The following UNC13C variants were observed in gnomAD, a reference collection of about 807,000 sequenced individuals.
UNC13C encodes the protein unc-13 homolog C.
Under a neutral mutation model 245.4 loss-of-function variants are expected in UNC13C, and 174 were observed. The ratio of observed to expected loss-of-function variants is 0.71; its 90% CI spans 0.63 to 0.80. The LOEUF is 0.80. UNC13C is among the 30% of genes least tolerant of loss of function. UNC13C has a pLI of 0.00. For synonymous variants in UNC13C, 992 were observed against 895.1 expected (o/e 1.11, Z -1.93); for missense variants, 2,829 against 2,602.9 (o/e 1.09, Z -1.89).
intron 28 of UNC13C, among the ~76,000 whole-genome samples, chr15:54,553,988 A>T (rs531339713): frequency 6.6e-6 from 1 of 152,154 alleles, no homozygotes; most frequent in East Asian, 1.9e-4. Flanking sequence ...AAATGAACTC[A>T]TATGATTAAC....
chr15:54,496,324 G>C (rs1426209692), intron 20 of UNC13C, among the ~76,000 whole-genome samples: 1 of 151,994 alleles, frequency 6.6e-6, no homozygotes, highest in African/African-American at 2.4e-5. Flanking sequence ...GAGAAATTTT[G>C]AAGATAGAAT....
At chr15:54,541,059 A>G (rs1333415700) in intron 26 of UNC13C, among the ~76,000 whole-genome samples, 3 of 152,074 alleles carry the variant, frequency 2.0e-5, no homozygotes, top group South Asian at 2.1e-4. Context: ...CCTGAAAAAC[A>G]GTTTTCAAAT....
chr15:54,615,669 G>C (rs747885487), intron 30 of UNC13C, among the ~76,000 whole-genome samples: 2 of 152,152 alleles, frequency 1.3e-5, no homozygotes, highest in East Asian at 1.9e-4. Flanking sequence ...ATCTGAAACA[G>C]TTATCAGGCA....
chr15:54,413,486 C>T (rs1280225318), intron 18 of UNC13C, among the ~76,000 whole-genome samples: 3 of 151,856 alleles, frequency 2.0e-5, no homozygotes, highest in Non-Finnish European at 4.4e-5. Context: ...AAATTGTTTG[C>T]CTAGGGTTAT....
At chr15:53,920,124 C>T in the UNC13C span, among the ~76,000 whole-genome samples, 1 of 152,116 alleles carries the variant, frequency 6.6e-6, no homozygotes. Context: ...GTATAGATAA[C>T]ACTCTATTGA....
At chr15:54,339,106 G>C (rs2038665230) in intron 17 of UNC13C, among the ~76,000 whole-genome samples, 2 of 152,160 alleles carry the variant, frequency 1.3e-5, no homozygotes, top group South Asian at 2.1e-4. Context: ...GACCTCAGGT[G>C]ATCCGCCCGC....
chr15:54,565,869 C>T (rs550066243), intron 29 of UNC13C, among the ~76,000 whole-genome samples: 1 of 151,948 alleles, frequency 6.6e-6, no homozygotes, highest in Non-Finnish European at 1.5e-5. Context: ...ATCCACTAAT[C>T]TTTTCTGCTC....
intron 2 of UNC13C, among the ~76,000 whole-genome samples, chr15:54,138,248 GA>G (rs1401148627): frequency 6.6e-6 from 1 of 151,998 alleles, no homozygotes; most frequent in Non-Finnish European, 1.5e-5. Context: ...CACTCTAGAG[GA>G]ATATATATTC....
intron 17 of UNC13C, among the ~76,000 whole-genome samples, chr15:54,340,784 CA>C (rs2038709774): frequency 6.6e-6 from 1 of 152,002 alleles, no homozygotes; most frequent in African/African-American, 2.4e-5. Context: ...GTTTTGGTTC[CA>C]TATGAATTTT....
chr15:54,294,012 A>G lies in UNC13C; in HGVS notation c.3936A>G (p.Thr1312=), dbSNP rs752236399. Residue 1312 remains threonine (T), a synonymous_variant, in exon 11 of 33, where the codon ACA becomes ACG. Coordinates refer to ENST00000260323, the MANE Select transcript of UNC13C (RefSeq NM_001080534.3). ...KKESDDFLGQ[T]IVEVRTLSGE... Reference sequence around the variant, plus strand: ...AGTCAGATGATTTTCTGGGACAAACAATTGTAGAAGTGAGGACCTTGAGTG... The same window carrying G: ...AGTCAGATGATTTTCTGGGACAAACGATTGTAGAAGTGAGGACCTTGAGTG... 1 of 1,596,852 alleles carries G rather than the reference A, an allele frequency of 6.3e-7. No homozygotes were observed. The highest frequency in any genetic ancestry group is 1.1e-5 in the South Asian group (1 of 88,388).
the UNC13C span, among the ~76,000 whole-genome samples, chr15:53,840,681 T>C: frequency 0.023 from 3,563 of 152,286 alleles, 142 homozygotes; most frequent in African/African-American, 0.082. Context: ...TAGCATCATG[T>C]GTCCCATTTT....
chr15:54,020,261 A>G (rs192990029), intron 2 of UNC13C, among the ~76,000 whole-genome samples: 1 of 151,286 alleles, frequency 6.6e-6, no homozygotes, highest in Admixed American at 6.6e-5. Flanking sequence ...AAATATTAAT[A>G]ATTTTTTTCT....
the UNC13C span, among the ~76,000 whole-genome samples, chr15:53,960,243 A>C: frequency 2.0e-5 from 3 of 152,086 alleles, no homozygotes; most frequent in Non-Finnish European, 4.4e-5. Context: ...CTGTGTGTTG[A>C]GGTAATGCCT....
the UNC13C span, among the ~76,000 whole-genome samples, chr15:53,893,701 C>CA: frequency 4.6e-5 from 7 of 151,764 alleles, no homozygotes; most frequent in African/African-American, 1.7e-4. Flanking sequence ...TCCCTCCCCC[C>CA]ACCAAGCTCA....
At chr15:54,057,278 A>C (rs1029647325) in intron 2 of UNC13C, among the ~76,000 whole-genome samples, 1 of 151,406 alleles carries the variant, frequency 6.6e-6, no homozygotes, top group African/African-American at 2.4e-5. Flanking sequence ...CTACCAAGCA[A>C]ATGGAAAACA....
At chr15:53,856,359 T>C in the UNC13C span, among the ~76,000 whole-genome samples, 2 of 141,280 alleles carry the variant, frequency 1.4e-5, no homozygotes, top group African/African-American at 4.9e-5. Flanking sequence ...GTTTGTGTGC[T>C]CTTGGTTCTC....
chr15:54,319,338 TA>T, intron 13 of UNC13C, among the ~76,000 whole-genome samples: 1 of 151,948 alleles, frequency 6.6e-6, no homozygotes, highest in East Asian at 1.9e-4. Flanking sequence ...TAAGAATTTT[TA>T]ATTTCTATTT....
chr15:54,039,994 C>A (rs1300724491), intron 2 of UNC13C, among the ~76,000 whole-genome samples: 48 of 152,152 alleles, frequency 3.2e-4, no homozygotes, highest in Non-Finnish European at 5.9e-5. Flanking sequence ...GTGCCTCCCC[C>A]ACCCCACCCC....
chr15:54,012,921 C>G lies in UNC13C; in HGVS notation c.18C>G (p.Phe6Leu). ...TGCTCTCCATGGTGGCTAATTTTTTCAAGAGCTTGATTTTACCTTACATTC... is the reference window on the plus strand; with the variant it reads ...TGCTCTCCATGGTGGCTAATTTTTTGAAGAGCTTGATTTTACCTTACATTC... MVANF[F>L]KSLILPYIHK... The change falls in exon 2 of 33, where the codon TTC becomes TTG. Residue 6 changes from phenylalanine (F) to leucine (L), a missense_variant. Phe to Leu is a conservative substitution (Grantham distance 22, BLOSUM62 0). Transcript: ENST00000260323. 1.9e-6 allele frequency: 3 copies of G among 1,596,522 alleles called. No individual in the cohort carries two copies. Among genetic ancestry groups the G allele is most frequent in the Non-Finnish European group, 2.6e-6 (3 of 1,172,746 alleles).
Sources: allele counts gnomAD v4.1 joint callset (sites outside exome capture counted in the v4.1 genomes callset), GRCh38; gene constraint gnomAD v4.1.1; transcripts MANE v1.5; gene names NCBI Gene and HGNC (gene_info 2026-07-23, HGNC 2026-07-21).